The following MTMR8 variants were observed in gnomAD, a reference collection of about 807,000 sequenced individuals.
The protein encoded by MTMR8 is myotubularin related protein 8.
A neutral mutation model predicts 39.3 loss-of-function variants in MTMR8; 65 were observed. That is an observed-to-expected ratio of 1.65 (90% CI 1.35 to 2.03). The LOEUF (loss-of-function observed/expected upper bound fraction) is 2.03. Among genes scored for constraint, MTMR8 ranks in the 30% most tolerant of loss-of-function variants. The pLI is 0.00. For missense variants in MTMR8, 777 were observed against 538.9 expected (o/e 1.44, Z -4.37); for synonymous variants, 245 against 185.2 (o/e 1.32, Z -2.62).
intron 12 of MTMR8, among the ~76,000 whole-genome samples, chrX:64,316,803 C>T (rs949181583): frequency 3.6e-5 from 4 of 110,671 alleles, no homozygotes; most frequent in Non-Finnish European, 7.6e-5. Context: ...TGTAATTTCT[C>T]TCCTGCTGCT....
chrX:64,336,081 T>C lies in MTMR8; in HGVS notation c.1149A>G (p.Gln383=), dbSNP rs1394368244. The C allele has an allele frequency of 8.4e-7, 1 of 1,190,151 alleles. No individual in the cohort carries two copies. ...EWISMGHKFS[Q]RCGHLDGDSK... is the part of the protein sequence containing the mutation. ...CTTCAAAATGAGTATATTTTTACCT[T>C]TGGGAAAACTTGTGGCCCATGGATA... The change falls in exon 10 of 14, where the codon CAA becomes CAG. Residue 383 remains glutamine, a splice_region_variant and synonymous_variant. Transcript: ENST00000374852.
chrX:64,345,186 G>A lies in MTMR8; in HGVS notation c.733-9C>T, dbSNP rs1923318958. 1.7e-6 allele frequency: 2 copies of A among 1,208,033 alleles called. No individual in the cohort carries two copies. Among genetic ancestry groups the A allele is most frequent in the South Asian group, 1.8e-5 (1 of 56,640 alleles). ...TTGGCCATGGCATTCAACTGCAATA[G>A]CAGAGGACATAATAGAGCAGATAGG... On this transcript the variant is annotated splice_polypyrimidine_tract_variant and intron_variant, in intron 6 of 13. Coordinates refer to ENST00000374852, the MANE Select transcript of MTMR8 (RefSeq NM_017677.4).
At chrX:64,332,047 G>T (rs941936056) in intron 10 of MTMR8, among the ~76,000 whole-genome samples, 1 of 111,857 alleles carries the variant, frequency 8.9e-6, no homozygotes, top group East Asian at 2.8e-4. Context: ...TTCTACAGTT[G>T]TGTTGTCCAA....
At chrX:64,372,045 T>C (rs1302113400) in intron 1 of MTMR8, among the ~76,000 whole-genome samples, 2 of 108,839 alleles carry the variant, frequency 1.8e-5, no homozygotes, top group African/African-American at 3.3e-5. Context: ...GATGAGAACA[T>C]AGATGAGAAC....
chrX:64,392,971 G>A (rs1182489762), intron 1 of MTMR8, among the ~76,000 whole-genome samples: 1 of 111,781 alleles, frequency 8.9e-6, no homozygotes, highest in Non-Finnish European at 1.9e-5. Flanking sequence ...CAGACTCACA[G>A]CAGCATACCA....
intron 1 of MTMR8, among the ~76,000 whole-genome samples, chrX:64,375,047 C>CA (rs34716248): frequency 0.029 from 1,616 of 55,876 alleles, 17 homozygotes; most frequent in East Asian, 0.057. Context: ...TTGTTTTAAG[C>CA]AAAAAAAAAA....
chrX:64,315,098 C>T (rs1424792011), intron 12 of MTMR8, among the ~76,000 whole-genome samples: 1 of 111,992 alleles, frequency 8.9e-6, no homozygotes, highest in East Asian at 2.8e-4. Flanking sequence ...TACAGATGTT[C>T]CTGCACCAAG....
At chrX:64,382,819 C>T (rs1924463750) in intron 1 of MTMR8, among the ~76,000 whole-genome samples, 1 of 111,549 alleles carries the variant, frequency 9.0e-6, no homozygotes, top group Non-Finnish European at 1.9e-5. Context: ...ATGGCTCTCC[C>T]TCTTAGCTGA....
intron 1 of MTMR8, among the ~76,000 whole-genome samples, chrX:64,383,395 C>T (rs1190059471): frequency 9.3e-6 from 1 of 107,838 alleles, no homozygotes; most frequent in Non-Finnish European, 1.9e-5. Context: ...ATATAGAATT[C>T]CAAAACCAAA....
In MTMR8 at chrX:64,331,618, C is replaced by T; in HGVS notation, c.1291G>A (p.Val431Ile). 1 of 1,210,548 alleles carries T rather than the reference C, an allele frequency of 8.3e-7. No homozygotes were observed. The highest frequency in any genetic ancestry group is 1.1e-6 in the Non-Finnish European group (1 of 894,877). Reference protein sequence around the residue: ...ENFLLEIHDHVFSCQFGNFLG... With the variant: ...ENFLLEIHDHIFSCQFGNFLG... ...AAGTTTCCAAACTGGCAGGAGAAAA[C>T]ATGGTCATGAATCTCCAGCAGGAAG... is the stretch of plus-strand genomic sequence containing the variant. Residue 431 changes from valine (V) to isoleucine (I), a missense_variant, in exon 11 of 14, where the codon GTT (valine) becomes ATT (isoleucine). Transcript: ENST00000374852.
chrX:64,381,764 T>G (rs1924432374), intron 1 of MTMR8, among the ~76,000 whole-genome samples: 1 of 111,627 alleles, frequency 9.0e-6, no homozygotes, highest in Non-Finnish European at 1.9e-5. Context: ...TTAATCCATC[T>G]TGAATTAATT....
In MTMR8 at chrX:64,319,415, C is replaced by A. The variant is rs933303567; in HGVS notation, c.1481+9357G>T. On this transcript the variant is annotated intron_variant, in intron 12 of 13. Transcript: ENST00000374852. ...AGAAACTCTTTAGTTTAATTAGATC[C>A]CATTTGTCAATTTTGGCTTTTGTGG... is the stretch of plus-strand genomic sequence containing the variant. 2.7e-5 allele frequency among the ~76,000 whole-genome samples: 3 copies of A among 112,100 alleles called. No individual in the cohort carries two copies. The Admixed American group carries it at 2.8e-4, about 11-fold the overall frequency.
chrX:64,300,823 C>G (rs1234736677), intron 12 of MTMR8, among the ~76,000 whole-genome samples: 2 of 107,180 alleles, frequency 1.9e-5, no homozygotes, highest in Non-Finnish European at 3.9e-5. Flanking sequence ...TTTTATTTCT[C>G]CTTCACTTAT....
chrX:64,394,813 C>T (rs1485363197), intron 1 of MTMR8, among the ~76,000 whole-genome samples: 1 of 112,326 alleles, frequency 8.9e-6, no homozygotes, highest in Non-Finnish European at 1.9e-5. Flanking sequence ...TGAAGAGATG[C>T]TGTGGCCCCC....
rs545141404 is a variant in MTMR8 at position 64,336,230 on chromosome X, G to A, written c.1102-102C>T. ...AACACTTTGCTGAAATAGTTGAACT[G>A]ATCATAAAATAGTTAATTTCCTAAA... On this transcript the variant is annotated intron_variant, in intron 9 of 13. Coordinates refer to ENST00000374852, the MANE Select transcript of MTMR8 (RefSeq NM_017677.4). 1.2e-3 allele frequency: 603 copies of A among 520,537 alleles called. 6 individuals carry two copies. In the South Asian group the frequency reaches 0.024, roughly 20 times the overall value. The allele number at this position is 520,537 out of a possible 1,213,427, so 42.9% of individuals were successfully genotyped here. A position where few individuals can be genotyped will look rare whatever the true frequency, so the allele number is the denominator to read the frequency against.
At chrX:64,390,727 C>T (rs1924670054) in intron 1 of MTMR8, among the ~76,000 whole-genome samples, 1 of 111,420 alleles carries the variant, frequency 9.0e-6, no homozygotes, top group Non-Finnish European at 1.9e-5. Flanking sequence ...TCAGAGCTCA[C>T]TGCAGCCTCG....
At chrX:64,322,355 C>A (rs1358011227) in intron 12 of MTMR8, among the ~76,000 whole-genome samples, 1 of 110,905 alleles carries the variant, frequency 9.0e-6, no homozygotes, top group African/African-American at 3.3e-5. Flanking sequence ...GGGTATTGGC[C>A]AGGGATATTC....
At chrX:64,326,088 AATT>A (rs1922782927) in intron 12 of MTMR8, among the ~76,000 whole-genome samples, 1 of 111,888 alleles carries the variant, frequency 8.9e-6, no homozygotes, top group Non-Finnish European at 1.9e-5. Context: ...CTAAAGAAAA[AATT>A]ATTATTAAGA....
At chrX:64,273,222 A>C (rs1178784105) in intron 12 of MTMR8, among the ~76,000 whole-genome samples, 1 of 111,798 alleles carries the variant, frequency 8.9e-6, no homozygotes, top group African/African-American at 3.2e-5. Context: ...AAAGTTTAAA[A>C]AAGTATTAGA....
Sources: allele counts gnomAD v4.1 joint callset (sites outside exome capture counted in the v4.1 genomes callset), GRCh38; gene constraint gnomAD v4.1.1; transcripts MANE v1.5; gene names NCBI Gene and HGNC (gene_info 2026-07-23, HGNC 2026-07-21).